Variants in WASHC2A observed in about 807,000 individuals in gnomAD.
The protein encoded by WASHC2A is WASH complex subunit FAM21A.
A neutral mutation model predicts 140.3 loss-of-function variants in WASHC2A; 82 were observed. That is an observed-to-expected ratio of 0.58 (90% confidence interval 0.49 to 0.70). The LOEUF is 0.70. WASHC2A is among the 30% of genes least tolerant of loss of function. WASHC2A has a pLI of 0.00. For missense variants in WASHC2A, 985 were observed against 1,521.8 expected, an observed-to-expected ratio of 0.65 and a Z score of 5.87; for synonymous variants, 340 against 560.8, an observed-to-expected ratio of 0.61 and a Z score of 5.56.
At position 50,091,548 on chromosome 10, in the gene WASHC2A, G is replaced by C. The variant is rs1372347848; in HGVS notation, c.931+30G>C. 67 of 1,548,550 alleles carry C rather than the reference G, an allele frequency of 4.3e-5. No homozygotes were observed. The South Asian group carries it at 6.8e-4, about 16-fold the overall frequency. On this transcript the variant is annotated intron_variant, in intron 10 of 30. Transcript: ENST00000282633. The stretch of plus-strand genomic sequence containing the variant: ...GCCCCAGCCGCGTTGATGGGGAGTA[G>C]GGGGGGAGTAGTGCAGGGCCCTCTG...
chr10:50,107,664 G>A (rs1235140395), intron 19 of WASHC2A, among the ~76,000 whole-genome samples: 5 of 152,028 alleles, frequency 3.3e-5, no homozygotes, highest in Non-Finnish European at 5.9e-5. Context: ...GCTCACGTCT[G>A]TAATCCCAGC....
At chr10:50,101,768 A>G (rs1255337655) in intron 17 of WASHC2A, among the ~76,000 whole-genome samples, 3 of 151,344 alleles carry the variant, frequency 2.0e-5, no homozygotes, top group Non-Finnish European at 4.4e-5. Flanking sequence ...GGGCTTAGCT[A>G]GGCCATTGTC....
intron 16 of WASHC2A, among the ~76,000 whole-genome samples, chr10:50,099,334 A>G (rs1176955131): frequency 2.7e-5 from 4 of 150,490 alleles, no homozygotes; most frequent in East Asian, 2.0e-4. Context: ...TAGTGGTACA[A>G]TCACAGCTCA....
intron 28 of WASHC2A, among the ~76,000 whole-genome samples, chr10:50,128,283 A>G (rs1249080428): frequency 2.6e-5 from 4 of 151,962 alleles, no homozygotes; most frequent in Non-Finnish European, 2.9e-5. Context: ...CTGAACACAC[A>G]TGGTCTGTTC....
chr10:50,127,481 C>T (rs1002684003), intron 27 of WASHC2A, 102 bp from the exon 28 acceptor site: 388 of 1,611,312 alleles, frequency 2.4e-4, no homozygotes, highest in Middle Eastern at 1.8e-3. Flanking sequence ...CTACTCCTCT[C>T]GTATTATACA....
intron 23 of WASHC2A, among the ~76,000 whole-genome samples, chr10:50,120,202 G>C (rs2132998879): frequency 6.7e-6 from 1 of 148,282 alleles, no homozygotes; most frequent in East Asian, 2.0e-4. Flanking sequence ...GACTATTCTA[G>C]CTTTTGCAGC....
intron 28 of WASHC2A, among the ~76,000 whole-genome samples, chr10:50,128,683 G>A (rs111572410): frequency 1.3e-5 from 2 of 152,012 alleles, no homozygotes; most frequent in Non-Finnish European, 2.9e-5. Context: ...GTTTAAATTG[G>A]CAACTAAAAT....
intron 30 of WASHC2A, chr10:50,131,309 T>C (rs1420877102): frequency 1.3e-6 from 1 of 745,344 alleles, no homozygotes. Flanking sequence ...GAGTTTGACG[T>C]TTAAGTATAA....
At position 50,126,197 on chromosome 10, in the gene WASHC2A, A is replaced by G; in HGVS notation, c.2811+18A>G. The G allele has an allele frequency of 6.2e-7, 1 of 1,613,070 alleles. No homozygotes were observed. Among genetic ancestry groups the G allele is most frequent in the Non-Finnish European group, 8.5e-7 (1 of 1,179,730 alleles). Reference sequence around the variant, plus strand: ...CACCTCAGGTTAGAAATCCTCTTTAAGGATTTTCAGCTCTTGTTTGCATCC... The same window carrying G: ...CACCTCAGGTTAGAAATCCTCTTTAGGGATTTTCAGCTCTTGTTTGCATCC... On this transcript the variant is annotated intron_variant, in intron 26 of 30. Coordinates refer to ENST00000282633, the MANE Select transcript of WASHC2A (RefSeq NM_001005751.3).
At chr10:50,128,722 A>T (rs549954343) in intron 28 of WASHC2A, among the ~76,000 whole-genome samples, 2 of 152,180 alleles carry the variant, frequency 1.3e-5, no homozygotes, top group African/African-American at 4.8e-5. Context: ...TTGACAACAC[A>T]ATCATACTTT....
At chr10:50,076,917 A>C (rs1289119387) in intron 3 of WASHC2A, among the ~76,000 whole-genome samples, 2 of 150,966 alleles carry the variant, frequency 1.3e-5, no homozygotes, top group Non-Finnish European at 2.9e-5. Context: ...GATTGAGACC[A>C]TCCTGGTTAA....
intron 2 of WASHC2A, among the ~76,000 whole-genome samples, chr10:50,069,319 G>C (rs1469998007): frequency 6.6e-6 from 1 of 151,726 alleles, no homozygotes; most frequent in Admixed American, 6.6e-5. Flanking sequence ...CCAGCTACTC[G>C]GGAGGCTGAG....
rs908429714 is a variant in WASHC2A, at chr10:50,131,577, C to T, written c.3886+499C>T. The stretch of plus-strand genomic sequence containing the variant: ...CACTGAGGTCTTTGGTGTTTGGGAA[C>T]AAGCTTGTCTTCCTTATATGGCACA... On this transcript the variant is annotated intron_variant, in intron 30 of 30. Coordinates refer to ENST00000282633, the MANE Select transcript of WASHC2A (RefSeq NM_001005751.3). Among the ~76,000 whole-genome samples, 304 of 152,300 alleles carry T rather than the reference C, an allele frequency of 2.0e-3. 3 individuals carry two copies. The highest frequency in any genetic ancestry group is 6.6e-3 in the African/African-American group (275 of 41,558).
At chr10:50,113,230 A>G (rs1194588853) in intron 20 of WASHC2A, among the ~76,000 whole-genome samples, 2 of 152,014 alleles carry the variant, frequency 1.3e-5, no homozygotes, top group Admixed American at 1.3e-4. Context: ...TTAGCCAGGC[A>G]TGGTGACGTG....
At chr10:50,099,122 A>G (rs1840797172) in intron 16 of WASHC2A, among the ~76,000 whole-genome samples, 2 of 151,938 alleles carry the variant, frequency 1.3e-5, no homozygotes, top group Non-Finnish European at 2.9e-5. Flanking sequence ...ACAAACCACT[A>G]TTTTTTTAAT....
At chr10:50,097,450 C>T (rs1840595624) in intron 15 of WASHC2A, among the ~76,000 whole-genome samples, 2 of 146,790 alleles carry the variant, frequency 1.4e-5, no homozygotes, top group Admixed American at 1.4e-4. Context: ...GCATGTCAGC[C>T]ACGTGGATAA....
chr10:50,127,743 G>T lies in WASHC2A; in HGVS notation c.3035G>T (p.Gly1012Val). 1 of 1,556,744 alleles carries T rather than the reference G, an allele frequency of 6.4e-7. No individual in the cohort carries two copies. The highest frequency in any genetic ancestry group is 8.7e-7 in the Non-Finnish European group (1 of 1,146,874). ...GTCCTTCCCGGGAGTGGGGAGGCCGGTGTGAGTTTTGATCTTCCAGCTCAG... is the reference window on the plus strand; with the variant it reads ...GTCCTTCCCGGGAGTGGGGAGGCCGTTGTGAGTTTTGATCTTCCAGCTCAG... ...VPVLPGSGEA[G>V]VSFDLPAQAD... Residue 1012 changes from glycine to valine, a missense_variant, in exon 28 of 31, where the codon GGT becomes GTT. Physicochemically the swap from Gly to Val is moderately radical, Grantham distance 109 (BLOSUM62 -3). Coordinates refer to ENST00000282633, the MANE Select transcript of WASHC2A (RefSeq NM_001005751.3).
chr10:50,107,558 A>G (rs1841903142), intron 19 of WASHC2A, among the ~76,000 whole-genome samples: 2 of 152,208 alleles, frequency 1.3e-5, no homozygotes, highest in South Asian at 2.1e-4. Flanking sequence ...TATATAAGTC[A>G]TAGATATGTT....
chr10:50,104,742 T>C (rs1841582510), intron 18 of WASHC2A, among the ~76,000 whole-genome samples: 1 of 151,002 alleles, frequency 6.6e-6, no homozygotes, highest in Admixed American at 6.6e-5. Flanking sequence ...CCTTTAACAG[T>C]GTGGAGGTTA....
Sources: gnomAD v4.1 joint callset for allele counts (sites outside exome capture counted in the v4.1 genomes callset) on GRCh38, gnomAD v4.1.1 for gene constraint, MANE v1.5 for transcripts, NCBI Gene and HGNC (gene_info 2026-07-23, HGNC 2026-07-21) for gene names.